ARSG: variants seen among roughly 807,000 people sequenced by gnomAD.
ARSG encodes arylsulfatase G.
Under a neutral mutation model 50.5 loss-of-function variants are expected in ARSG, and 37 were observed. The observed-to-expected ratio is 0.73, with a 90% CI of 0.56 to 0.96. The LOEUF is 0.96. Ranked by LOEUF, ARSG falls within the 50% of genes least tolerant of loss-of-function variation. The pLI, the probability that ARSG is intolerant of heterozygous loss-of-function variation, is 0.00. For synonymous variants in ARSG, 225 were observed against 254.6 expected (o/e 0.88, Z 1.11); for missense variants, 629 against 675.3 (o/e 0.93, Z 0.76).
At chr17:68,449,257 T>C in the ARSG span, among the ~76,000 whole-genome samples, 3 of 152,216 alleles carry the variant, frequency 2.0e-5, no homozygotes, top group Non-Finnish European at 2.9e-5. Context: ...GAAACAGATA[T>C]TTATGAGCAC....
At chr17:68,327,006 G>T (rs1292616069) in intron 2 of ARSG, among the ~76,000 whole-genome samples, 2 of 152,162 alleles carry the variant, frequency 1.3e-5, no homozygotes, top group Non-Finnish European at 2.9e-5. Context: ...GACATGAAAA[G>T]GCTGCAAGAC....
Position 68,284,455 on chromosome 17 carries a change from G to A in ARSG, c.-551-22488G>A, listed in dbSNP as rs144300925. On this transcript the variant is annotated intron_variant, in intron 1 of 11. Coordinates refer to the ARSG transcript ENST00000448504. Reference sequence around the variant, plus strand: ...GAAAATTCTTTACAATTATACAATTGTATACAGGTGAATTTTCAGGGTCAG... The same window carrying A: ...GAAAATTCTTTACAATTATACAATTATATACAGGTGAATTTTCAGGGTCAG... 6.2e-3 allele frequency among the ~76,000 whole-genome samples: 946 copies of A among 152,238 alleles called. 6 individuals carry two copies. Among genetic ancestry groups the A allele is most frequent in the Middle Eastern group, 0.02 (6 of 294 alleles).
chr17:68,397,091 T>C (rs1392953426), intron 10 of ARSG, among the ~76,000 whole-genome samples: 1 of 152,236 alleles, frequency 6.6e-6, no homozygotes, highest in Non-Finnish European at 1.5e-5. Flanking sequence ...CTTCATGTAC[T>C]AACTTCCTTT....
rs142233129 is a variant in ARSG, at chr17:68,311,786, C to T, written c.218+4075C>T. On this transcript the variant is annotated intron_variant, in intron 2 of 11. Transcript: ENST00000621439. ...CGACATCTTGATTTCAGACTTTTAG[C>T]CTCCTGTACTGTACTTTTTTTTTTT... Among the ~76,000 whole-genome samples, 668 of 150,538 alleles carry T rather than the reference C, an allele frequency of 4.4e-3. 10 individuals carry two copies. The highest frequency in any genetic ancestry group is 0.015 in the African/African-American group (633 of 41,106).
upstream of ARSG, among the ~76,000 whole-genome samples, chr17:68,287,339 T>TA (rs1192883959): frequency 6.6e-6 from 1 of 151,838 alleles, no homozygotes; most frequent in Non-Finnish European, 1.5e-5. Flanking sequence ...TTTTTTTTTT[T>TA]AATAGAGACA....
In ARSG at chr17:68,409,045, T is replaced by C. The variant is rs1258172802; in HGVS notation, c.1303+7595T>C. The stretch of plus-strand genomic sequence containing the variant: ...AGCCCTTTGTCAGATGAGTAGGTTG[T>C]GAAAATTTTCTCCCATTTTGTAGGT... On this transcript the variant is annotated intron_variant, in intron 11 of 11. Coordinates refer to ENST00000621439, the MANE Select transcript of ARSG (RefSeq NM_001267727.2). 7.2e-3 allele frequency among the ~76,000 whole-genome samples: 974 copies of C among 135,444 alleles called. 2 individuals are homozygous for C. The highest frequency in any genetic ancestry group is 0.027 in the African/African-American group (919 of 34,388). 88.9% of individuals were successfully genotyped at this position (135,444 alleles called of 152,430 possible). A position where few individuals can be genotyped will look rare whatever the true frequency, so the allele number is the denominator to read the frequency against.
At chr17:68,434,548 A>C in the ARSG span, 1 of 1,613,854 alleles carries the variant, frequency 6.2e-7, no homozygotes, top group East Asian at 2.2e-5. Context: ...TTGACATTGA[A>C]CACAGACCTT....
Position 68,305,038 on chromosome 17 carries a change from G to T in ARSG, c.-551-1905G>T, listed in dbSNP as rs143076914. On this transcript the variant is annotated intron_variant, in intron 1 of 11. Coordinates refer to ENST00000621439, the MANE Select transcript of ARSG (RefSeq NM_001267727.2). Reference sequence around the variant, plus strand: ...AAAGTAAAAAAATTAGCTGGGCGTGGTGGCATACACTTGTAATTCTAGCTA... The same window carrying T: ...AAAGTAAAAAAATTAGCTGGGCGTGTTGGCATACACTTGTAATTCTAGCTA... Among the ~76,000 whole-genome samples the T allele has an allele frequency of 3.6e-3, 544 of 152,308 alleles. 2 individuals carry two copies. Among genetic ancestry groups the T allele is most frequent in the African/African-American group, 0.012 (518 of 41,582 alleles).
chr17:68,276,965 C>T (rs1207545895), intron 1 of ARSG, among the ~76,000 whole-genome samples: 2 of 152,116 alleles, frequency 1.3e-5, no homozygotes, highest in African/African-American at 4.8e-5. Flanking sequence ...AATGATGAAT[C>T]AGTGAAGTCC....
At chr17:68,415,007 A>AT (rs942567205) in intron 11 of ARSG, among the ~76,000 whole-genome samples, 2 of 151,236 alleles carry the variant, frequency 1.3e-5, no homozygotes, top group Non-Finnish European at 3.0e-5. Flanking sequence ...TATCTTTTTT[A>AT]TTTTTTTGTT....
rs145982111 is a variant in ARSG at position 68,325,572 on chromosome 17, A to G, written c.218+17861A>G. Reference sequence around the variant, plus strand: ...AGGTGGGGGATAGCTGACCTACAGTATAATAGCCAGGACTCTCTGGTTGTA... The same window carrying G: ...AGGTGGGGGATAGCTGACCTACAGTGTAATAGCCAGGACTCTCTGGTTGTA... On this transcript the variant is annotated intron_variant, in intron 2 of 11. Transcript: ENST00000621439. Among the ~76,000 whole-genome samples, 22 of 152,250 alleles carry G rather than the reference A, an allele frequency of 1.4e-4. 1 individual carries two copies. The highest frequency in any genetic ancestry group is 5.1e-4 in the African/African-American group (21 of 41,548).
intron 3 of ARSG, among the ~76,000 whole-genome samples, chr17:68,345,875 C>T (rs1164228901): frequency 2.6e-5 from 4 of 152,086 alleles, no homozygotes; most frequent in African/African-American, 7.2e-5. Context: ...ACATTTCTCT[C>T]AATCTTTTTT....
At chr17:68,272,888 T>A in intron 1 of ARSG, 1 of 1,190,080 alleles carries the variant, frequency 8.4e-7, no homozygotes, top group Non-Finnish European at 1.2e-6. Flanking sequence ...AGGAGCCAAG[T>A]AATTCATTCT....
At chr17:68,450,696 G>A in the ARSG span, 1 of 1,577,620 alleles carries the variant, frequency 6.3e-7, no homozygotes. Flanking sequence ...GTTAGCAGAA[G>A]CTTTGAAACC....
In ARSG at chr17:68,324,344, G is replaced by A. The variant is rs148462401; in HGVS notation, c.218+16633G>A. Among the ~76,000 whole-genome samples the A allele has an allele frequency of 2.3e-3, 357 of 152,290 alleles. 6 individuals carry two copies. Among genetic ancestry groups the A allele is most frequent in the Admixed American group, 0.019 (292 of 15,296 alleles). ...TCTTTCTTGGGCTCACATGGTTTGT[G>A]TGGATGTGAGTCAGGCTCTCGGGGC... On this transcript the variant is annotated intron_variant, in intron 2 of 11. Coordinates refer to ENST00000621439, the MANE Select transcript of ARSG (RefSeq NM_001267727.2).
At chr17:68,278,239 C>G in intron 1 of ARSG, 1 of 1,614,194 alleles carries the variant, frequency 6.2e-7, no homozygotes. Flanking sequence ...AATGAAACAG[C>G]TACCGCCCAG....
At chr17:68,360,112 C>T (rs2079212640) in intron 6 of ARSG, among the ~76,000 whole-genome samples, 1 of 152,196 alleles carries the variant, frequency 6.6e-6, no homozygotes, top group African/African-American at 2.4e-5. Flanking sequence ...TGGACATCCA[C>T]CCGTTAATTA....
chr17:68,400,087 G>C (rs1037972342), intron 10 of ARSG: 1 of 152,214 alleles, frequency 6.6e-6, no homozygotes, highest in South Asian at 2.1e-4. Context: ...AACTCCGGGG[G>C]ACAGCTGTTT....
At chr17:68,384,948 C>T in intron 8 of ARSG, 116 bp from the exon 9 acceptor site, 1 of 758,284 alleles carries the variant, frequency 1.3e-6, no homozygotes, top group Non-Finnish European at 2.2e-6. Flanking sequence ...AAAGTCATTC[C>T]TTTGTTGGGG....
Sources: allele counts gnomAD v4.1 joint callset (sites outside exome capture counted in the v4.1 genomes callset), GRCh38; gene constraint gnomAD v4.1.1; transcripts MANE v1.5; gene names NCBI Gene and HGNC (gene_info 2026-07-23, HGNC 2026-07-21).